APC2: variants seen among roughly 807,000 people sequenced by gnomAD.
APC2 encodes APC regulator of Wnt signaling pathway 2.
In APC2, 41 loss-of-function variants were observed where a neutral mutation model predicts 72.5. The ratio of observed to expected loss-of-function variants is 0.57; its 90% CI spans 0.44 to 0.73. The LOEUF (loss-of-function observed/expected upper bound fraction) is 0.73, where lower values mean the gene tolerates loss of function less well. Among genes scored for constraint, APC2 ranks in the 30% least tolerant of loss-of-function variants. APC2 has a pLI of 0.00. For missense variants in APC2, 3,729 were observed against 3,403.4 expected (o/e 1.10, Z -2.38); for synonymous variants, 1,898 against 1,612.0 (o/e 1.18, Z -4.25).
intron 7 of APC2, 73 bp downstream of exon 7, chr19:1,456,226 C>T (rs868716481): frequency 1.9e-6 from 3 of 1,550,320 alleles, no homozygotes; most frequent in African/African-American, 1.4e-5. Flanking sequence ...CGAGTTCTGC[C>T]CGCCCCCGCC....
chr19:1,468,669 G>GGAC lies in APC2; in HGVS notation c.5371_5373dup (p.Arg1791dup). On this transcript the variant is annotated inframe_insertion, in exon 15 of 15. Transcript: ENST00000590469. The stretch of plus-strand genomic sequence containing the variant: ...GCCCGGGGTGCCAGCTGTGCTCCGG[G>GGAC]GACGAACAGTGATCTACGTCCCCAG... 6.3e-7 allele frequency: 1 copy of GGAC among 1,578,362 alleles called. No homozygotes were observed. Among genetic ancestry groups the GGAC allele is most frequent in the Non-Finnish European group, 8.6e-7 (1 of 1,159,634 alleles).
rs2083933862 is a variant in APC2 at position 1,462,025 on chromosome 19, C to T, written c.1701C>T (p.Asn567=). ...LWNLSAHSTE[N]KAAICQVDGA... is the part of the protein sequence containing the mutation. ...ATCTGTCTGCACACAGCACAGAGAA[C>T]AAGGCGGCCATCTGCCAGGTGGATG... The change falls in exon 14 of 15, where the codon AAC becomes AAT. Residue 567 remains asparagine (N), a synonymous_variant. Transcript: ENST00000590469. 3.1e-6 allele frequency: 5 copies of T among 1,613,134 alleles called. No individual in the cohort carries two copies. In the East Asian group the frequency reaches 6.7e-5, roughly 22 times the overall value.
chr19:1,449,341 A>C (rs2083716320), upstream of APC2, among the ~76,000 whole-genome samples: 1 of 152,024 alleles, frequency 6.6e-6, no homozygotes. Flanking sequence ...AAACCTTCAA[A>C]TGGCTTCCAG....
Position 1,471,499 on chromosome 19 carries a change from G to A in APC2, c.*1286G>A, listed in dbSNP as rs575710202. On this transcript the variant is annotated 3_prime_UTR_variant, in exon 15 of 15. Coordinates refer to ENST00000590469, the MANE Select transcript of APC2 (RefSeq NM_005883.3). ...CCTCATCCCCTGGCGGGGGAGGCTGGGAGCTGGGCCTCCTGCGTGGGGTGG... is the reference window on the plus strand; with the variant it reads ...CCTCATCCCCTGGCGGGGGAGGCTGAGAGCTGGGCCTCCTGCGTGGGGTGG... The A allele has an allele frequency of 7.9e-5, 12 of 152,390 alleles. No homozygotes were observed. Among genetic ancestry groups the A allele is most frequent in the African/African-American group, 2.9e-4 (12 of 41,588 alleles). The allele number at this position is 152,390 out of a possible 1,614,324, so 9.4% of individuals were successfully genotyped here.
At position 1,461,090 on chromosome 19, in the gene APC2, G is replaced by A; in HGVS notation, c.1575G>A (p.Lys525=). ...NLSWRADINS[K]KVLREAGSVT... is the part of the protein sequence containing the mutation. ...CCTGGAGGGCCGACATCAACAGCAA[G>A]AAGGTGCTGAGGGAGGCGGGCAGCG... is the stretch of plus-strand genomic sequence containing the variant. The change falls in exon 13 of 15, where the codon AAG becomes AAA. Residue 525 remains lysine, a synonymous_variant. Transcript: ENST00000590469. 6.2e-7 allele frequency: 1 copy of A among 1,613,724 alleles called. No homozygotes were observed. Among genetic ancestry groups the A allele is most frequent in the Non-Finnish European group, 8.5e-7 (1 of 1,180,026 alleles).
At chr19:1,461,876 A>T in intron 13 of APC2, 87 bp from the exon 14 acceptor site, 1 of 1,216,014 alleles carries the variant, frequency 8.2e-7, no homozygotes, top group Non-Finnish European at 1.1e-6. Flanking sequence ...AAAAACAAAA[A>T]AACCCAACTT....
Position 1,461,142 on chromosome 19 carries a change from C to T in APC2, c.1627C>T (p.Arg543Trp), listed in dbSNP as rs549765381. 1.9e-5 allele frequency: 30 copies of T among 1,610,650 alleles called. No homozygotes were observed. Among genetic ancestry groups the T allele is most frequent in the Middle Eastern group, 3.3e-4 (2 of 6,054 alleles). Residue 543 changes from arginine to tryptophan, a missense_variant, in exon 13 of 15, where the codon CGG (arginine) becomes TGG (tryptophan). By Grantham distance (101) the Arg-to-Trp change is moderately radical (BLOSUM62 -3). Coordinates refer to ENST00000590469, the MANE Select transcript of APC2 (RefSeq NM_005883.3). ...GACTGCCCTGGTGCAGTGTGTCCTG[C>T]GGGCCACCAAGGTGGGCACCCGGTG... ...SVTALVQCVLRATKESTLKSV... is the reference protein window; with the variant it reads ...SVTALVQCVLWATKESTLKSV...
At chr19:1,450,492 G>T (rs978987188) in intron 1 of APC2, among the ~76,000 whole-genome samples, 154 bp downstream of exon 1, 2 of 152,228 alleles carry the variant, frequency 1.3e-5, no homozygotes, top group African/African-American at 4.8e-5. Flanking sequence ...CGGTGAGCTG[G>T]GCGTCAGCGT....
Position 1,468,136 on chromosome 19 carries a change from C to T in APC2, c.4835C>T (p.Pro1612Leu). Residue 1612 changes from proline (P) to leucine (L), a missense_variant, in exon 15 of 15, where the codon CCA becomes CTA. Physicochemically the swap from Pro to Leu is moderately conservative, Grantham distance 98 (BLOSUM62 -3). Transcript: ENST00000590469. ...CCCGCGGTCACCAAGGACCCGGGCC[C>T]AGGAGGCGGACGCGACAGCTCGCCC... ...REPAVTKDPG[P>L]GGGRDSSPSP... is the part of the protein sequence containing the mutation. The T allele has an allele frequency of 6.7e-7, 1 of 1,496,184 alleles. No individual in the cohort carries two copies. Among genetic ancestry groups the T allele is most frequent in the South Asian group, 1.2e-5 (1 of 80,272 alleles). The allele number at this position is 1,496,184 out of a possible 1,614,324, so 92.7% of individuals were successfully genotyped here. A position where few individuals can be genotyped will look rare whatever the true frequency, so the allele number is the denominator to read the frequency against.
intron 14 of APC2, among the ~76,000 whole-genome samples, chr19:1,462,546 T>G (rs1332302793): frequency 6.7e-6 from 1 of 148,674 alleles, no homozygotes; most frequent in East Asian, 2.0e-4. Flanking sequence ...TCCCAGCTAC[T>G]CGGGAGGCTG....
Position 1,468,158 on chromosome 19 carries a change from G to T in APC2, c.4857G>T (p.Ser1619=). Residue 1619 remains serine (S), a synonymous_variant, in exon 15 of 15, where the codon TCG becomes TCT. Transcript: ENST00000590469. ...GCCCAGGAGGCGGACGCGACAGCTC[G>T]CCCAGCCCGCGGGCCGCGGAGGAGC... ...DPGPGGGRDS[S]PSPRAAEELL... is the part of the protein sequence containing the mutation. 1 of 1,462,056 alleles carries T rather than the reference G, an allele frequency of 6.8e-7. No homozygotes were observed. Among genetic ancestry groups the T allele is most frequent in the Non-Finnish European group, 9.0e-7 (1 of 1,115,884 alleles). The allele number at this position is 1,462,056 out of a possible 1,614,324, so 90.6% of individuals were successfully genotyped here. A position where few individuals can be genotyped will look rare whatever the true frequency, so the allele number is the denominator to read the frequency against.
Position 1,460,836 on chromosome 19 carries a change from C to T in APC2, c.1500C>T (p.Ser500=), listed in dbSNP as rs34073024. Residue 500 remains serine, a synonymous_variant, in exon 12 of 15, where the codon TCC becomes TCT. Transcript: ENST00000590469. The part of the protein sequence containing the change: ...CMEAIVAQLA[S]DSEELHQVVS... ...AGGCCATCGTGGCCCAGCTGGCCTC[C>T]GACAGTGAGGAGCTCCACCAGGTAC... The T allele has an allele frequency of 2.6e-3, 4,180 of 1,613,168 alleles. 80 individuals are homozygous for T. In the African/African-American group the frequency reaches 0.046, roughly 18 times the overall value.
At position 1,470,018 on chromosome 19, in the gene APC2, C is replaced by T. The variant is rs1261792729; in HGVS notation, c.6717C>T (p.Pro2239=). The change falls in exon 15 of 15, where the codon CCC becomes CCT. Residue 2239 remains proline (P), a synonymous_variant. Transcript: ENST00000590469. ...ACGGTCCCAGCCTCGCCAAGGCTCC[C>T]ATCTCCGCACCCTTCGTGCACGAGG... ...DVDGPSLAKA[P]ISAPFVHEGL... 6.4e-7 allele frequency: 1 copy of T among 1,552,930 alleles called. No homozygotes were observed. Among genetic ancestry groups the T allele is most frequent in the Admixed American group, 1.8e-5 (1 of 54,174 alleles).
Position 1,467,609 on chromosome 19 carries a change from A to G in APC2, c.4308A>G (p.Arg1436=). Residue 1436 remains arginine, a synonymous_variant, in exon 15 of 15, where the codon AGA becomes AGG. Transcript: ENST00000590469. Reference sequence around the variant, plus strand: ...CCACCGGCCGCCCCACCTCTGCCAGACAGGCCATGGGGCACCGGCACAAGG... The same window carrying G: ...CCACCGGCCGCCCCACCTCTGCCAGGCAGGCCATGGGGCACCGGCACAAGG... ...QRPTGRPTSA[R]QAMGHRHKAG... is the part of the protein sequence containing the mutation. 6.6e-7 allele frequency: 1 copy of G among 1,507,482 alleles called. No individual in the cohort carries two copies. The highest frequency in any genetic ancestry group is 8.8e-7 in the Non-Finnish European group (1 of 1,135,028). 93.4% of individuals were successfully genotyped at this position (1,507,482 alleles called of 1,614,324 possible). A position where few individuals can be genotyped will look rare whatever the true frequency, so the allele number is the denominator to read the frequency against.
rs1599166220 is a variant in APC2, at chr19:1,469,690, A to T, written c.6389A>T (p.Asp2130Val). ...GCCGACGCCGCGCGCCGCAGCAGCG[A>T]CGGGGAGCCCCGGCCGCTCCCCAGG... ...ASADAARRSSDGEPRPLPRVA... is the reference protein window; with the variant it reads ...ASADAARRSSVGEPRPLPRVA... The change falls in exon 15 of 15, where the codon GAC becomes GTC. Residue 2130 changes from aspartate (D) to valine (V), a missense_variant. Coordinates refer to ENST00000590469, the MANE Select transcript of APC2 (RefSeq NM_005883.3). 2 of 1,330,378 alleles carry T rather than the reference A, an allele frequency of 1.5e-6. No homozygotes were observed. The highest frequency in any genetic ancestry group is 3.2e-5 in the East Asian group (1 of 31,616). The allele number at this position is 1,330,378 out of a possible 1,614,324, so 82.4% of individuals were successfully genotyped here.
At chr19:1,462,288 G>C (rs1158577494) in intron 14 of APC2, 111 bp downstream of exon 14, 1 of 1,002,612 alleles carries the variant, frequency 1.0e-6, no homozygotes, top group Non-Finnish European at 1.4e-6. Context: ...TTCCCCAGGG[G>C]CTGCTGTTTG....
intron 9 of APC2, 58 bp downstream of exon 9, chr19:1,457,301 C>A (rs2083849507): frequency 6.8e-7 from 1 of 1,464,548 alleles, no homozygotes; most frequent in Middle Eastern, 2.4e-4. Context: ...TAGGGCTTCC[C>A]GGGGGATGGG....
At chr19:1,455,559 C>CA in intron 6 of APC2, 59 bp downstream of exon 6, 1 of 1,478,020 alleles carries the variant, frequency 6.8e-7, no homozygotes, top group Non-Finnish European at 9.3e-7. Flanking sequence ...GTGGGCAAAT[C>CA]AGAGTGCAGA....
intron 4 of APC2, among the ~76,000 whole-genome samples, 165 bp downstream of exon 4, chr19:1,453,776 G>C (rs1398128311): frequency 6.6e-6 from 1 of 152,170 alleles, no homozygotes; most frequent in Non-Finnish European, 1.5e-5. Flanking sequence ...CCACCTCGGA[G>C]CTTCGTCCCC....
Sources: gnomAD v4.1 joint callset for allele counts (sites outside exome capture counted in the v4.1 genomes callset) on GRCh38, gnomAD v4.1.1 for gene constraint, MANE v1.5 for transcripts, NCBI Gene and HGNC (gene_info 2026-07-23, HGNC 2026-07-21) for gene names.